The following PCDHGA4 variants were observed in gnomAD, a reference collection of about 807,000 sequenced individuals.
The protein encoded by PCDHGA4 is protocadherin gamma-A4.
In PCDHGA4, 38 loss-of-function variants were observed where a neutral mutation model predicts 54.6. The observed-to-expected ratio is 0.70, with a 90% CI of 0.54 to 0.91. The LOEUF (loss-of-function observed/expected upper bound fraction) is 0.91. Among genes scored for constraint, PCDHGA4 ranks in the 40% least tolerant of loss-of-function variants. The probability of loss-of-function intolerance (pLI) is 0.00; values close to 1 mark genes in which losing one functional copy is unlikely to be tolerated. For missense variants in PCDHGA4, 1,298 were observed against 1,220.9 expected (o/e 1.06, Z -0.94); for synonymous variants, 511 against 512.9 (o/e 1.00, Z 0.05).
intron 1 of PCDHGA4, chr5:141,408,674 A>C (rs1005052894): frequency 6.2e-7 from 1 of 1,613,882 alleles, no homozygotes; most frequent in African/African-American, 1.3e-5. Flanking sequence ...TGACCCTGCC[A>C]CGGATCCTGA....
intron 1 of PCDHGA4, among the ~76,000 whole-genome samples, chr5:141,449,708 A>G (rs2098652470): frequency 6.6e-6 from 1 of 151,418 alleles, no homozygotes; most frequent in African/African-American, 2.4e-5. Context: ...CAAACACATT[A>G]TTTTTATATG....
chr5:141,372,030 G>A (rs1561553995), intron 1 of PCDHGA4: 1 of 1,613,446 alleles, frequency 6.2e-7, no homozygotes, highest in East Asian at 2.2e-5. Flanking sequence ...CAGCGCCAAC[G>A]TGAGCCTGCG....
At chr5:141,422,806 C>T (rs868426196) in intron 1 of PCDHGA4, 2 of 1,614,208 alleles carry the variant, frequency 1.2e-6, no homozygotes, top group Non-Finnish European at 1.7e-6. Flanking sequence ...TGAGCAGTTT[C>T]GAGACTTAGA....
chr5:141,381,826 C>CTTCTTTTTTTT (rs1777532522), intron 1 of PCDHGA4, among the ~76,000 whole-genome samples: 8 of 74,294 alleles, frequency 1.1e-4, no homozygotes, highest in African/African-American at 4.3e-4. Context: ...CTTTCTTCTT[C>CTTCTTTTTTTT]TTTTTTTTTT....
rs759899934 is a variant in PCDHGA4, at chr5:141,421,255, C to G, written c.2514+63634C>G. The stretch of plus-strand genomic sequence containing the variant: ...GGCGAATCGGCTACAGCGCGGGGAC[C>G]GCAGTCGGCTGCTGCTGCTGCTGTG... On this transcript the variant is annotated intron_variant, in intron 1 of 3. Coordinates refer to ENST00000571252, the MANE Select transcript of PCDHGA4 (RefSeq NM_018917.4). The G allele has an allele frequency of 6.0e-5, 97 of 1,607,644 alleles. No individual in the cohort carries two copies. Among genetic ancestry groups the G allele is most frequent in the Middle Eastern group, 3.3e-4 (2 of 6,058 alleles).
At position 141,355,518 on chromosome 5, in the gene PCDHGA4, G is replaced by A. The variant is rs775064771; in HGVS notation, c.411G>A (p.Leu137=). ...GATCTCCAAACTGTGTGACAAACCT[G>A]GAGATTCTTCTAGAAGATACAGTGA... ...CDRSPNCVTN[L]EILLEDTVKI... is the part of the protein sequence containing the mutation. Residue 137 remains leucine, a synonymous_variant, in exon 1 of 4, where the codon CTG becomes CTA. Coordinates refer to ENST00000571252, the MANE Select transcript of PCDHGA4 (RefSeq NM_018917.4). The A allele has an allele frequency of 3.1e-6, 5 of 1,613,932 alleles. No individual in the cohort carries two copies. The highest frequency in any genetic ancestry group is 4.2e-6 in the Non-Finnish European group (5 of 1,179,914).
chr5:141,431,670 T>C lies in PCDHGA4; in HGVS notation c.2515-63137T>C, dbSNP rs767342240. 1 of 1,614,070 alleles carries C rather than the reference T, an allele frequency of 6.2e-7. No homozygotes were observed. The highest frequency in any genetic ancestry group is 8.5e-7 in the Non-Finnish European group (1 of 1,180,026). On this transcript the variant is annotated intron_variant, in intron 1 of 3. Coordinates refer to ENST00000571252, the MANE Select transcript of PCDHGA4 (RefSeq NM_018917.4). This position sits in a 1 kb window ranked among gnomAD's most constrained non-coding sequence, Gnocchi z 4.8. ...TGTAATTCAGGGACAATATCAACAATAGGGGAGTTGGACCACGAGGAGTCA... is the reference window on the plus strand; with the variant it reads ...TGTAATTCAGGGACAATATCAACAACAGGGGAGTTGGACCACGAGGAGTCA...
At chr5:141,362,170 C>G (rs1394296027) in intron 1 of PCDHGA4, 1 of 1,613,918 alleles carries the variant, frequency 6.2e-7, no homozygotes, top group Non-Finnish European at 8.5e-7. Flanking sequence ...CAGCGACCGC[C>G]GGGAGCCCTC....
intron 1 of PCDHGA4, chr5:141,404,934 C>A: frequency 5.6e-6 from 9 of 1,613,986 alleles, no homozygotes; most frequent in Non-Finnish European, 6.8e-6. Flanking sequence ...GTCACGCTCA[C>A]AGTAGCCATA....
intron 1 of PCDHGA4, among the ~76,000 whole-genome samples, chr5:141,479,129 C>T (rs2099488562): frequency 6.6e-6 from 1 of 152,154 alleles, no homozygotes; most frequent in South Asian, 2.1e-4. Context: ...AAATGATGTG[C>T]ACCCTGCTTA....
At chr5:141,423,549 C>T (rs748764057) in intron 1 of PCDHGA4, 113 of 1,613,568 alleles carry the variant, frequency 7.0e-5, no homozygotes, top group Non-Finnish European at 8.7e-5. Flanking sequence ...TCCCCCAGCC[C>T]AACTATGGGG....
intron 1 of PCDHGA4, chr5:141,394,283 T>A: frequency 6.2e-7 from 1 of 1,613,956 alleles, no homozygotes; most frequent in Non-Finnish European, 8.5e-7. Flanking sequence ...TCACTTACTC[T>A]GTGACCGAGG....
rs779871354 is a variant in PCDHGA4 at position 141,428,131 on chromosome 5, G to A, written c.2515-66676G>A. 8.7e-6 allele frequency: 14 copies of A among 1,602,720 alleles called. No homozygotes were observed. The South Asian group carries it at 1.5e-4, about 18-fold the overall frequency. On this transcript the variant is annotated intron_variant, in intron 1 of 3. Transcript: ENST00000571252. ...CAGGCCATCGAGCCCGGGCTTTTCA[G>A]CCTGGGGCTGCACACGGGAACCTGC...
chr5:141,502,491 T>G lies in PCDHGA4; in HGVS notation c.2574-2902T>G, dbSNP rs557202239. Among the ~76,000 whole-genome samples, 1,415 of 152,344 alleles carry G rather than the reference T, an allele frequency of 9.3e-3. 29 individuals carry two copies. The highest frequency in any genetic ancestry group is 0.033 in the African/African-American group (1,352 of 41,578). ...TCCCGCAGCATCACACTGGGACTCA[T>G]CTAACGTCGGCCTGTCCCACTATCA... is the stretch of plus-strand genomic sequence containing the variant. On this transcript the variant is annotated intron_variant, in intron 2 of 3. Transcript: ENST00000571252.
intron 1 of PCDHGA4, among the ~76,000 whole-genome samples, chr5:141,494,547 C>T (rs2099755185): frequency 6.6e-6 from 1 of 152,106 alleles, no homozygotes; most frequent in East Asian, 1.9e-4. Context: ...GAGGAAGGGG[C>T]CATTTCTTTA....
At chr5:141,443,383 G>A (rs1302172660) in intron 1 of PCDHGA4, among the ~76,000 whole-genome samples, 1 of 152,130 alleles carries the variant, frequency 6.6e-6, no homozygotes, top group Non-Finnish European at 1.5e-5. Flanking sequence ...TACTTGGGAG[G>A]CTGAGGTGTG....
chr5:141,361,499 C>T (rs1762048821), intron 1 of PCDHGA4: 3 of 1,613,948 alleles, frequency 1.9e-6, no homozygotes, highest in South Asian at 1.1e-5. Context: ...TTCCAACAGA[C>T]TTCCTACATG....
intron 1 of PCDHGA4, chr5:141,364,549 GC>G (rs748045143): frequency 1.5e-5 from 25 of 1,614,000 alleles, no homozygotes; most frequent in South Asian, 1.4e-4. Flanking sequence ...GTAGGACGCA[GC>G]TTTTTGCCCT....
chr5:141,360,353 A>G, intron 1 of PCDHGA4: 1 of 1,613,928 alleles, frequency 6.2e-7, no homozygotes, highest in Non-Finnish European at 8.5e-7. Context: ...GCGGAGAAGG[A>G]ATATTTCACA....
Sources: gnomAD v4.1 joint callset for allele counts (sites outside exome capture counted in the v4.1 genomes callset) on GRCh38, gnomAD v4.1.1 for gene constraint, Gnocchi (gnomAD v3.1) non-coding constraint, MANE v1.5 for transcripts, NCBI Gene and HGNC (gene_info 2026-07-23, HGNC 2026-07-21) for gene names.